The following MNAT1 variants were observed in gnomAD, a reference collection of about 807,000 sequenced individuals.
The protein encoded by MNAT1 is MNAT1 component of CDK activating kinase.
In MNAT1, 43 loss-of-function variants were observed where a neutral mutation model predicts 42.0. The observed-to-expected ratio is 1.02, with a 90% CI of 0.80 to 1.32. The LOEUF (loss-of-function observed/expected upper bound fraction) is 1.32, where lower values mean the gene tolerates loss of function less well. Among genes scored for constraint, MNAT1 ranks in the 40% most tolerant of loss-of-function variants. MNAT1 has a pLI of 0.00. For missense variants in MNAT1, 306 were observed against 350.4 expected (o/e 0.87, Z 1.01); for synonymous variants, 118 against 120.0 (o/e 0.98, Z 0.11).
Position 60,820,536 on chromosome 14 carries a change from C to CT in MNAT1, c.687+1704dup, listed in dbSNP as rs754720202. Among the ~76,000 whole-genome samples, 407 of 136,578 alleles carry CT rather than the reference C, an allele frequency of 3.0e-3. 2 individuals are homozygous for CT. Among genetic ancestry groups the CT allele is most frequent in the Admixed American group, 7.9e-3 (108 of 13,640 alleles). 89.6% of individuals were successfully genotyped at this position (136,578 alleles called of 152,430 possible). The stretch of plus-strand genomic sequence containing the variant: ...AGAACTCATCTTAAGTCTTTTGCAA[C>CT]TTTTTTTTTTTTTTTCAGTTGCTGA... On this transcript the variant is annotated intron_variant, in intron 6 of 7. Coordinates refer to ENST00000261245, the MANE Select transcript of MNAT1 (RefSeq NM_002431.4).
At chr14:60,742,082 A>G (rs578178243) in intron 1 of MNAT1, among the ~76,000 whole-genome samples, 1 of 150,414 alleles carries the variant, frequency 6.6e-6, no homozygotes, top group Non-Finnish European at 1.5e-5. Context: ...TTTTTTATTT[A>G]TTTTTATTTT....
intron 6 of MNAT1, among the ~76,000 whole-genome samples, chr14:60,866,608 G>A (rs182527551): frequency 1.9e-4 from 29 of 152,112 alleles, no homozygotes; most frequent in Admixed American, 1.8e-3. Flanking sequence ...GTGTTCTCCT[G>A]TAGTTTTGAG....
intron 7 of MNAT1, among the ~76,000 whole-genome samples, chr14:60,917,475 G>A (rs963486526): frequency 2.0e-5 from 3 of 152,136 alleles, no homozygotes; most frequent in African/African-American, 7.2e-5. Flanking sequence ...TTTAGATGGT[G>A]TCTGTACTCA....
intron 7 of MNAT1, among the ~76,000 whole-genome samples, chr14:60,932,479 G>A (rs377752780): frequency 5.3e-5 from 8 of 151,828 alleles, no homozygotes; most frequent in Admixed American, 1.3e-4. Context: ...TAAAGACATG[G>A]TTAAATAATG....
Position 60,795,933 on chromosome 14 carries a change from C to CA in MNAT1, c.90-284_90-283insA, listed in dbSNP as rs1215841490. On this transcript the variant is annotated intron_variant, in intron 1 of 7. Coordinates refer to ENST00000261245, the MANE Select transcript of MNAT1 (RefSeq NM_002431.4). ...CAGTAGCCTTTTACATGCTCTTTGA[C>CA]TTCTCCCTATCCTGCTCTTCTTCCT... Among the ~76,000 whole-genome samples the CA allele has an allele frequency of 5.3e-5, 8 of 152,166 alleles. 1 individual carries two copies.
chr14:60,815,408 G>T (rs757449195), intron 5 of MNAT1, among the ~76,000 whole-genome samples: 1 of 151,884 alleles, frequency 6.6e-6, no homozygotes, highest in Non-Finnish European at 1.5e-5. Context: ...GTAGAGATGG[G>T]GTTTCACCAT....
At chr14:60,778,400 G>A (rs899626376) in intron 1 of MNAT1, among the ~76,000 whole-genome samples, 1 of 152,132 alleles carries the variant, frequency 6.6e-6, no homozygotes, top group Non-Finnish European at 1.5e-5. Context: ...GACCAGTTTG[G>A]TTAAGTGCTT....
chr14:60,933,441 C>T (rs1035052495), intron 7 of MNAT1, among the ~76,000 whole-genome samples: 1 of 151,926 alleles, frequency 6.6e-6, no homozygotes, highest in Admixed American at 6.6e-5. Context: ...AACAAAGTAG[C>T]GGGTAAGATG....
intron 7 of MNAT1, among the ~76,000 whole-genome samples, chr14:60,911,293 T>A (rs1247461800): frequency 1.3e-5 from 2 of 152,240 alleles, no homozygotes; most frequent in Non-Finnish European, 2.9e-5. Context: ...ATTCATTGAT[T>A]TTTTTAAGGG....
chr14:60,842,345 G>C (rs1340743538), intron 6 of MNAT1, among the ~76,000 whole-genome samples: 2 of 152,064 alleles, frequency 1.3e-5, no homozygotes, highest in African/African-American at 2.4e-5. Context: ...GCTGCCCTGG[G>C]ATCCCTGAAG....
At chr14:60,886,855 T>G (rs2034686872) in intron 7 of MNAT1, among the ~76,000 whole-genome samples, 1 of 152,138 alleles carries the variant, frequency 6.6e-6, no homozygotes, top group Non-Finnish European at 1.5e-5. Context: ...TTTGGATGTA[T>G]TTTATTTTTC....
At chr14:60,890,744 A>G (rs2034822870) in intron 7 of MNAT1, among the ~76,000 whole-genome samples, 1 of 152,226 alleles carries the variant, frequency 6.6e-6, no homozygotes, top group Non-Finnish European at 1.5e-5. Context: ...AAGACTCAGC[A>G]AGTCTGCTCT....
intron 1 of MNAT1, among the ~76,000 whole-genome samples, chr14:60,782,093 A>C (rs2031483709): frequency 1.3e-5 from 2 of 151,930 alleles, no homozygotes; most frequent in South Asian, 4.2e-4. Flanking sequence ...AATATGAAAA[A>C]GATTGAGTAA....
chr14:60,873,507 C>T (rs2034372991), intron 6 of MNAT1, among the ~76,000 whole-genome samples: 1 of 152,094 alleles, frequency 6.6e-6, no homozygotes, highest in South Asian at 2.1e-4. Flanking sequence ...CTTGCTCTGA[C>T]ACTCATGCTG....
At chr14:60,791,745 A>G (rs2140322477) in intron 1 of MNAT1, among the ~76,000 whole-genome samples, 1 of 152,244 alleles carries the variant, frequency 6.6e-6, no homozygotes, top group East Asian at 1.9e-4. Flanking sequence ...CTTCTATCAA[A>G]AGTTATTCAT....
intron 6 of MNAT1, among the ~76,000 whole-genome samples, chr14:60,837,978 A>C (rs1307983190): frequency 2.6e-5 from 4 of 152,106 alleles, no homozygotes; most frequent in African/African-American, 9.7e-5. Flanking sequence ...TAAGTTGGGA[A>C]ATTCCTATAG....
chr14:60,853,524 A>G (rs1249527128), intron 6 of MNAT1, among the ~76,000 whole-genome samples: 20 of 152,136 alleles, frequency 1.3e-4, no homozygotes, highest in Admixed American at 7.2e-4. Flanking sequence ...CTTCCTATTC[A>G]AATACTCTTT....
intron 1 of MNAT1, among the ~76,000 whole-genome samples, chr14:60,782,610 T>C (rs1483554213): frequency 6.6e-6 from 1 of 152,194 alleles, no homozygotes; most frequent in Non-Finnish European, 1.5e-5. Flanking sequence ...TAATGTTTAT[T>C]GAGAGTGTAC....
At chr14:60,755,153 C>T (rs994542012) in intron 1 of MNAT1, among the ~76,000 whole-genome samples, 2 of 151,986 alleles carry the variant, frequency 1.3e-5, no homozygotes, top group Non-Finnish European at 2.9e-5. Flanking sequence ...TGTGTGCCAC[C>T]ATGCCTACCT....
Sources: gnomAD v4.1 joint callset for allele counts (sites outside exome capture counted in the v4.1 genomes callset) on GRCh38, gnomAD v4.1.1 for gene constraint, MANE v1.5 for transcripts, NCBI Gene and HGNC (gene_info 2026-07-23, HGNC 2026-07-21) for gene names.